NELFCD: variants seen among roughly 807,000 people sequenced by gnomAD.
The protein encoded by NELFCD is negative elongation factor complex member C/D.
In NELFCD, 48 loss-of-function variants were observed where a neutral mutation model predicts 72.9. That is an observed-to-expected ratio of 0.66 (90% CI 0.52 to 0.84). The LOEUF is 0.84. Ranked by LOEUF, NELFCD falls within the 40% of genes least tolerant of loss-of-function variation. NELFCD has a pLI of 0.00. For synonymous variants in NELFCD, 297 were observed against 280.6 expected (o/e 1.06, Z -0.59); for missense variants, 538 against 723.8 (o/e 0.74, Z 2.94).
chr20:58,992,041 T>C (rs1421663223), intron 10 of NELFCD, 21 bp downstream of exon 10: 1 of 1,593,494 alleles, frequency 6.3e-7, no homozygotes, highest in Non-Finnish European at 8.6e-7. Context: ...CGAAACTCAG[T>C]TCTTAAATCA....
At position 58,993,568 on chromosome 20, in the gene NELFCD, C is replaced by G; in HGVS notation, c.1440+24C>G. On this transcript the variant is annotated intron_variant, in intron 12 of 14. Transcript: ENST00000652272. The surrounding 1 kb of genome is among the most constrained non-coding windows in gnomAD (Gnocchi z 5.0). ...AGGTGAGCAGTGCCCGTGGGGCTTG[C>G]CAGAGGGCTGAGGAGGACCCTCTCT... 6.2e-7 allele frequency: 1 copy of G among 1,614,152 alleles called. No individual in the cohort carries two copies. Among genetic ancestry groups the G allele is most frequent in the Non-Finnish European group, 8.5e-7 (1 of 1,179,994 alleles).
intron 1 of NELFCD, among the ~76,000 whole-genome samples, chr20:58,983,937 A>G (rs1056934029): frequency 2.0e-5 from 3 of 152,098 alleles, no homozygotes; most frequent in Admixed American, 1.3e-4. Context: ...GTGGGCTCTC[A>G]TGGATGAGGG....
At chr20:58,985,053 A>G (rs1206064972) in intron 1 of NELFCD, among the ~76,000 whole-genome samples, 1 of 152,230 alleles carries the variant, frequency 6.6e-6, no homozygotes, top group African/African-American at 2.4e-5. Flanking sequence ...TTTTCTGAAA[A>G]AGGCTAGATA....
intron 3 of NELFCD, 190 bp from the exon 4 acceptor site, chr20:58,987,513 GTGTTC>G: frequency 1.7e-6 from 1 of 579,102 alleles, no homozygotes; most frequent in Non-Finnish European, 3.1e-6. Context: ...CCAGACTTGT[GTGTTC>G]TGTTCTGTGC....
chr20:58,985,327 T>C (rs1012397369), intron 1 of NELFCD, among the ~76,000 whole-genome samples: 7 of 152,240 alleles, frequency 4.6e-5, no homozygotes, highest in Middle Eastern at 3.2e-3. Flanking sequence ...GGAAAAAGCC[T>C]TGTCTTGTCT....
rs1259644754 is a variant in NELFCD, at chr20:58,986,857, C to CA, written c.281dup (p.Thr95AspfsTer4). On this transcript the variant is annotated frameshift_variant, in exon 3 of 15. Transcript: ENST00000652272. LOFTEE classifies it high-confidence loss of function. This position sits in a 1 kb window ranked among gnomAD's most constrained non-coding sequence, Gnocchi z 4.4. ...GAACCTGCTGGCCGAGTGGCTCATT[C>CA]AGACAGGTGCTTTGTGGGTGTCCCC... 6.2e-7 allele frequency: 1 copy of CA among 1,611,838 alleles called. No homozygotes were observed. Among genetic ancestry groups the CA allele is most frequent in the African/African-American group, 1.3e-5 (1 of 74,854 alleles).
chr20:58,983,425 C>T (rs910753251), intron 1 of NELFCD, among the ~76,000 whole-genome samples: 26 of 150,428 alleles, frequency 1.7e-4, no homozygotes, highest in African/African-American at 7.3e-5. Flanking sequence ...CGTGAGCCAC[C>T]GCACCCGGCC....
intron 4 of NELFCD, among the ~76,000 whole-genome samples, chr20:58,988,505 G>T (rs965902210): frequency 6.6e-6 from 1 of 152,250 alleles, no homozygotes; most frequent in African/African-American, 2.4e-5. Flanking sequence ...TCACATAGGA[G>T]AGCTGAGAGA....
In NELFCD at chr20:58,991,644, G is replaced by A. The variant is rs186791737; in HGVS notation, c.1089+198G>A. 3.5e-5 allele frequency: 26 copies of A among 748,488 alleles called. No homozygotes were observed. The African/African-American group carries it at 4.2e-4, about 12-fold the overall frequency. The allele number at this position is 748,488 out of a possible 1,614,324, so 46.4% of individuals were successfully genotyped here. A position where few individuals can be genotyped will look rare whatever the true frequency, so the allele number is the denominator to read the frequency against. The stretch of plus-strand genomic sequence containing the variant: ...TAATGTCTCCAATGCTCTGCAAACC[G>A]TAAATTGAAATGTGACTAAAGAAAT... On this transcript the variant is annotated intron_variant, in intron 9 of 14. Coordinates refer to ENST00000652272, the MANE Select transcript of NELFCD (RefSeq NM_198976.4).
In NELFCD at chr20:58,993,884, A is replaced by G; in HGVS notation, c.1581+120A>G. The G allele has an allele frequency of 7.9e-7, 1 of 1,265,002 alleles. No homozygotes were observed. The highest frequency in any genetic ancestry group is 1.1e-6 in the Non-Finnish European group (1 of 899,040). 78.4% of individuals were successfully genotyped at this position (1,265,002 alleles called of 1,614,324 possible). On this transcript the variant is annotated intron_variant, in intron 13 of 14. Transcript: ENST00000652272. The surrounding 1 kb of genome is among the most constrained non-coding windows in gnomAD (Gnocchi z 5.0). ...CTGTGCTTTCTGATGTAGTGATGAC[A>G]ATGACAGATACTCGTTTACCAAAAA... is the stretch of plus-strand genomic sequence containing the variant.
chr20:58,993,747 C>A lies in NELFCD; in HGVS notation c.1564C>A (p.Arg522Ser). Residue 522 changes from arginine (R) to serine (S), a missense_variant, in exon 13 of 15, where the codon CGC (arginine) becomes AGC (serine). Transcript: ENST00000652272. This position sits in a 1 kb window ranked among gnomAD's most constrained non-coding sequence, Gnocchi z 5.0. ...EKLDTDISLI[R>S]YFVTEVLDVI... ...GCTGGACACTGACATTTCACTCATT[C>A]GCTATTTTGTCACTGAGGTCAGCAA... is the stretch of plus-strand genomic sequence containing the variant. The A allele has an allele frequency of 6.2e-7, 1 of 1,614,148 alleles. No individual in the cohort carries two copies. The highest frequency in any genetic ancestry group is 1.3e-5 in the African/African-American group (1 of 75,046).
intron 10 of NELFCD, among the ~76,000 whole-genome samples, chr20:58,992,246 A>G (rs779220448): frequency 1.2e-4 from 19 of 152,214 alleles, no homozygotes; most frequent in Non-Finnish European, 2.6e-4. Context: ...AGGCTAAGTA[A>G]AAGATAGCCA....
intron 13 of NELFCD, 91 bp from the exon 14 acceptor site, chr20:58,994,019 T>C (rs1053368828): frequency 1.3e-6 from 2 of 1,507,158 alleles, no homozygotes; most frequent in Non-Finnish European, 1.8e-6. Context: ...TGGGGAGGGA[T>C]TTTTTCCAAA....
In NELFCD at chr20:58,989,863, GGT is replaced by G; in HGVS notation, c.667_668del (p.Cys223ProfsTer43). 1.2e-6 allele frequency: 2 copies of G among 1,614,164 alleles called. No homozygotes were observed. The highest frequency in any genetic ancestry group is 8.5e-7 in the Non-Finnish European group (1 of 1,180,044). On this transcript the variant is annotated frameshift_variant, in exon 7 of 15. Transcript: ENST00000652272. LOFTEE classifies it high-confidence loss of function. ...EKNLPEFAKM[V>X]CHGEHTYLFA... ...CTCTCCCTGCAATCTTGCAGAAGAT[GGT>G]GTGCCACGGGGAGCACACGTACCTG...
At chr20:58,988,125 C>T (rs1429734322) in intron 4 of NELFCD, among the ~76,000 whole-genome samples, 2 of 152,170 alleles carry the variant, frequency 1.3e-5, no homozygotes, top group Non-Finnish European at 2.9e-5. Flanking sequence ...TCGTTTGGTT[C>T]CTCCAAGAAG....
chr20:58,994,534 C>A, intron 14 of NELFCD, 108 bp from the exon 15 acceptor site: 1 of 955,956 alleles, frequency 1.0e-6, no homozygotes. Flanking sequence ...TGCACTCTAT[C>A]CTGGGCAACA....
chr20:58,992,856 A>G (rs2091827521), intron 10 of NELFCD, 142 bp from the exon 11 acceptor site: 2 of 604,894 alleles, frequency 3.3e-6, no homozygotes, highest in Non-Finnish European at 5.8e-6. Flanking sequence ...CTCAAAAAAA[A>G]AAAAAAAAAA....
intron 1 of NELFCD, 105 bp from the exon 2 acceptor site, chr20:58,985,986 ATG>A: frequency 1.3e-6 from 1 of 769,764 alleles, no homozygotes. Flanking sequence ...AAATGAAATA[ATG>A]TGTGTAGAAT....
Position 58,981,376 on chromosome 20 carries a change from C to T in NELFCD, c.60+7C>T. 2.8e-6 allele frequency: 3 copies of T among 1,075,950 alleles called. No individual in the cohort carries two copies. The highest frequency in any genetic ancestry group is 3.4e-6 in the Non-Finnish European group (3 of 882,534). 66.7% of individuals were successfully genotyped at this position (1,075,950 alleles called of 1,614,324 possible). On this transcript the variant is annotated splice_region_variant and intron_variant, in intron 1 of 14. Coordinates refer to ENST00000652272, the MANE Select transcript of NELFCD (RefSeq NM_198976.4). ...CGAGGCTGACGGCGGCCAGGTGAGG[C>T]GGGGCACTGGGCGCACCCTAGAGAG...
Sources: allele counts gnomAD v4.1 joint callset (sites outside exome capture counted in the v4.1 genomes callset), GRCh38; gene constraint gnomAD v4.1.1; non-coding constraint Gnocchi (gnomAD v3.1); transcripts MANE v1.5; gene names NCBI Gene and HGNC (gene_info 2026-07-23, HGNC 2026-07-21).